Variants in SLC25A21 observed in about 807,000 individuals in gnomAD.
SLC25A21 encodes the protein solute carrier family 25 member 21, also known as mitochondrial 2-oxodicarboxylate carrier.
A neutral mutation model predicts 43.8 loss-of-function variants in SLC25A21; 47 were observed. That is an observed-to-expected ratio of 1.07 (90% CI 0.85 to 1.37). SLC25A21 has a LOEUF of 1.37. SLC25A21 is among the 40% of genes most tolerant of loss of function. SLC25A21 has a pLI of 0.00. For missense variants in SLC25A21, 352 were observed against 350.2 expected, an observed-to-expected ratio of 1.00 and a Z score of -0.04; for synonymous variants, 131 against 121.3, an observed-to-expected ratio of 1.08 and a Z score of -0.52.
intron 2 of SLC25A21, among the ~76,000 whole-genome samples, chr14:36,871,860 T>A (rs1330025207): frequency 6.6e-6 from 1 of 152,122 alleles, no homozygotes; most frequent in Non-Finnish European, 1.5e-5. Flanking sequence ...TTTTAAAAAA[T>A]TTAGTATAGA....
intron 1 of SLC25A21, among the ~76,000 whole-genome samples, chr14:36,894,940 G>T (rs187039059): frequency 0.017 from 2,604 of 152,240 alleles, 65 homozygotes; most frequent in African/African-American, 0.058. Flanking sequence ...GATTTGGTTT[G>T]CCAGTATTTT....
In SLC25A21 at chr14:36,711,424, TGGAG is replaced by T; in HGVS notation, c.493_496del (p.Leu165ArgfsTer7). The T allele has an allele frequency of 6.2e-7, 1 of 1,614,168 alleles. No homozygotes were observed. The highest frequency in any genetic ancestry group is 8.5e-7 in the Non-Finnish European group (1 of 1,180,024). The stretch of plus-strand genomic sequence containing the variant: ...TGCAGTTAATCCTTTGTTGAGGCCC[TGGAG>T]TCCCCAGCCTTCCTTCTTAATGATT... On this transcript the variant is annotated frameshift_variant, in exon 7 of 10. Transcript: ENST00000331299. LOFTEE classifies it high-confidence loss of function.
chr14:36,706,464 A>G (rs184035777), intron 7 of SLC25A21, among the ~76,000 whole-genome samples: 3 of 152,152 alleles, frequency 2.0e-5, no homozygotes, highest in East Asian at 3.9e-4. Flanking sequence ...CTAAACATCT[A>G]TCTCCAGCTC....
chr14:37,043,917 TTTTG>T (rs1174701392), intron 1 of SLC25A21, among the ~76,000 whole-genome samples: 6 of 145,348 alleles, frequency 4.1e-5, no homozygotes, highest in African/African-American at 8.1e-5. Context: ...TTGTTTTTTG[TTTTG>T]TTTGTTTTAT....
chr14:36,779,586 A>G (rs867218372), intron 3 of SLC25A21, among the ~76,000 whole-genome samples: 36 of 138,478 alleles, frequency 2.6e-4, no homozygotes, highest in Middle Eastern at 7.7e-3. Context: ...GTCTTTTAAA[A>G]GAAAGGAATG....
At chr14:36,767,902 T>C (rs567214771) in intron 3 of SLC25A21, among the ~76,000 whole-genome samples, 11 of 152,322 alleles carry the variant, frequency 7.2e-5, no homozygotes, top group African/African-American at 2.6e-4. Context: ...AAACAGGCTT[T>C]GGATCTGAAG....
At chr14:36,993,696 C>T (rs1381348957) in intron 1 of SLC25A21, among the ~76,000 whole-genome samples, 3 of 152,094 alleles carry the variant, frequency 2.0e-5, no homozygotes, top group Non-Finnish European at 4.4e-5. Flanking sequence ...TATCATCATT[C>T]TCATCATAAA....
Position 37,064,937 on chromosome 14 carries a change from T to C in SLC25A21, c.70+107344A>G, listed in dbSNP as rs376997855. Reference sequence around the variant, plus strand: ...TGACACACATCTGTTAAGGGCCTAATATATGCCAGCTACTCTACCAAACCC... The same window carrying C: ...TGACACACATCTGTTAAGGGCCTAACATATGCCAGCTACTCTACCAAACCC... On this transcript the variant is annotated intron_variant, in intron 1 of 9. Coordinates refer to ENST00000331299, the MANE Select transcript of SLC25A21 (RefSeq NM_030631.4). 1.1e-4 allele frequency among the ~76,000 whole-genome samples: 17 copies of C among 152,236 alleles called. No homozygotes were observed. In the South Asian group the frequency reaches 3.3e-3, roughly 30 times the overall value.
chr14:36,829,733 G>C (rs1303855271), intron 2 of SLC25A21, among the ~76,000 whole-genome samples: 1 of 152,156 alleles, frequency 6.6e-6, no homozygotes, highest in African/African-American at 2.4e-5. Context: ...ATGTCCAGGA[G>C]ATAAGGACAT....
chr14:37,074,693 C>G (rs1456442062), intron 1 of SLC25A21, among the ~76,000 whole-genome samples: 1 of 152,060 alleles, frequency 6.6e-6, no homozygotes, highest in Non-Finnish European at 1.5e-5. Context: ...GTTAGCCAGG[C>G]GTAGTGGTGT....
At chr14:36,862,648 T>C (rs1010199120) in intron 2 of SLC25A21, among the ~76,000 whole-genome samples, 4 of 152,168 alleles carry the variant, frequency 2.6e-5, no homozygotes, top group South Asian at 2.1e-4. Context: ...TTAGGAGAAA[T>C]ACCTAATGTA....
intron 4 of SLC25A21, among the ~76,000 whole-genome samples, chr14:36,732,722 GA>G (rs916364136): frequency 1.3e-5 from 2 of 151,922 alleles, no homozygotes; most frequent in Non-Finnish European, 2.9e-5. Flanking sequence ...TATGATGTAT[GA>G]AATCGTTAAA....
At chr14:36,902,057 T>C (rs1420024417) in intron 1 of SLC25A21, among the ~76,000 whole-genome samples, 1 of 152,214 alleles carries the variant, frequency 6.6e-6, no homozygotes, top group Non-Finnish European at 1.5e-5. Context: ...CATAAAAATA[T>C]GATTAACTCT....
chr14:36,935,059 A>G (rs1427782732), intron 1 of SLC25A21, among the ~76,000 whole-genome samples: 2 of 152,094 alleles, frequency 1.3e-5, no homozygotes, highest in Non-Finnish European at 2.9e-5. Flanking sequence ...TGGAGAAGAT[A>G]ACTCAAAATA....
At chr14:36,822,831 T>C (rs770077638) in intron 2 of SLC25A21, among the ~76,000 whole-genome samples, 17 of 152,246 alleles carry the variant, frequency 1.1e-4, no homozygotes, top group Non-Finnish European at 1.8e-4. Context: ...TAAAGACTGA[T>C]ATTTTGTGTC....
At chr14:37,172,088 C>A in intron 1 of SLC25A21, 193 bp downstream of exon 1, 2 of 585,648 alleles carry the variant, frequency 3.4e-6, no homozygotes, top group Non-Finnish European at 5.9e-6. Context: ...TTACTTGGGG[C>A]ACCCACTACT....
chr14:37,009,918 T>C (rs1459840118), intron 1 of SLC25A21, among the ~76,000 whole-genome samples: 1 of 152,142 alleles, frequency 6.6e-6, no homozygotes, highest in Non-Finnish European at 1.5e-5. Context: ...AATTTTGACG[T>C]AAGTGTGAAA....
At chr14:37,139,573 A>G (rs2138917686) in intron 1 of SLC25A21, among the ~76,000 whole-genome samples, 2 of 152,322 alleles carry the variant, frequency 1.3e-5, no homozygotes, top group South Asian at 2.1e-4. Context: ...TTTTCCACTC[A>G]GTAACTGAAA....
chr14:36,964,306 C>T (rs1959564718), intron 1 of SLC25A21, among the ~76,000 whole-genome samples: 1 of 152,162 alleles, frequency 6.6e-6, no homozygotes, highest in African/African-American at 2.4e-5. Context: ...GCTCAGCAAA[C>T]CCTTTTTGTA....
Sources: gnomAD v4.1 joint callset for allele counts (sites outside exome capture counted in the v4.1 genomes callset) on GRCh38, gnomAD v4.1.1 for gene constraint, MANE v1.5 for transcripts, NCBI Gene and HGNC (gene_info 2026-07-23, HGNC 2026-07-21) for gene names.